The following DIAPH3 variants were observed in gnomAD, a reference collection of about 807,000 sequenced individuals.
DIAPH3 encodes the protein diaphanous related formin 3, also known as protein diaphanous homolog 3.
DIAPH3 carries 117 observed loss-of-function variants against 144.3 expected under a neutral mutation model. The ratio of observed to expected loss-of-function variants is 0.81; its 90% CI spans 0.70 to 0.95. DIAPH3 has a LOEUF of 0.95. DIAPH3 is among the 40% of genes least tolerant of loss of function. The probability of loss-of-function intolerance (pLI) is 0.00; values close to 1 mark genes in which losing one functional copy is unlikely to be tolerated. For missense variants in DIAPH3, 1,421 were observed against 1,412.7 expected (o/e 1.01, Z -0.09); for synonymous variants, 519 against 488.9 (o/e 1.06, Z -0.81).
At chr13:59,997,430 C>A (rs2052271779) in intron 9 of DIAPH3, among the ~76,000 whole-genome samples, 1 of 152,072 alleles carries the variant, frequency 6.6e-6, no homozygotes, top group Non-Finnish European at 1.5e-5. Context: ...ACCACATTTT[C>A]TTTATCCATT....
chr13:59,924,848 A>C lies in DIAPH3; in HGVS notation c.2097T>G (p.Ile699Met). ...QQKERREEED[I>M]EEKKSIKKKI... Reference sequence around the variant, plus strand: ...TTTTCTTAATCGATTTCTTCTCTTCAATATCTTCCTCTTCTCTTCTCTCTG... The same window carrying C: ...TTTTCTTAATCGATTTCTTCTCTTCCATATCTTCCTCTTCTCTTCTCTCTG... Residue 699 changes from isoleucine to methionine, a missense_variant, in exon 18 of 28, where the codon ATT (isoleucine) becomes ATG (methionine). Physicochemically the swap from Ile to Met is conservative, Grantham distance 10. Coordinates refer to ENST00000400324, the MANE Select transcript of DIAPH3 (RefSeq NM_001042517.2). The C allele has an allele frequency of 6.2e-7, 1 of 1,600,956 alleles. No individual in the cohort carries two copies. Among genetic ancestry groups the C allele is most frequent in the Non-Finnish European group, 8.5e-7 (1 of 1,170,980 alleles).
intron 4 of DIAPH3, among the ~76,000 whole-genome samples, chr13:60,082,786 AT>A (rs1426170138): frequency 2.0e-5 from 3 of 152,112 alleles, no homozygotes; most frequent in Non-Finnish European, 4.4e-5. Flanking sequence ...CATGGTGAGC[AT>A]TCAAATATAG....
intron 27 of DIAPH3, among the ~76,000 whole-genome samples, chr13:59,702,240 CCTAG>C (rs1348586477): frequency 6.6e-6 from 1 of 152,044 alleles, no homozygotes; most frequent in East Asian, 1.9e-4. Flanking sequence ...GAAGAAATGC[CCTAG>C]CTTTCTAACT....
chr13:59,974,299 TTGCTC>T, intron 15 of DIAPH3, 48 bp downstream of exon 15: 1 of 1,301,704 alleles, frequency 7.7e-7, no homozygotes. Flanking sequence ...AACATAACCT[TTGCTC>T]CCTCACTGTG....
intron 27 of DIAPH3, among the ~76,000 whole-genome samples, chr13:59,711,843 C>A (rs749922475): frequency 5.9e-5 from 9 of 152,068 alleles, no homozygotes; most frequent in Non-Finnish European, 1.2e-4. Flanking sequence ...AATTGTTGCA[C>A]GAATAAATAA....
intron 27 of DIAPH3, among the ~76,000 whole-genome samples, chr13:59,758,020 T>A (rs1295506975): frequency 6.6e-6 from 1 of 152,094 alleles, no homozygotes; most frequent in African/African-American, 2.4e-5. Flanking sequence ...AATAAGCCTA[T>A]GAAAAGGTAC....
rs772635777 is a variant in DIAPH3, at chr13:59,911,690, T to C, written c.2367+45A>G. On this transcript the variant is annotated intron_variant, in intron 20 of 27. Transcript: ENST00000400324. ...ATATAAAAACAGTTGACAGGTTCTC[T>C]TGTTTGGCACAGTATAAAAATCCTC... 85 of 1,406,246 alleles carry C rather than the reference T, an allele frequency of 6.0e-5. No individual in the cohort carries two copies. In the South Asian group the frequency reaches 9.7e-4, roughly 16 times the overall value. The allele number at this position is 1,406,246 out of a possible 1,614,324, so 87.1% of individuals were successfully genotyped here. A position where few individuals can be genotyped will look rare whatever the true frequency, so the allele number is the denominator to read the frequency against.
intron 5 of DIAPH3, among the ~76,000 whole-genome samples, chr13:60,022,451 G>A (rs2054093177): frequency 6.6e-6 from 1 of 152,272 alleles, no homozygotes; most frequent in Non-Finnish European, 1.5e-5. Flanking sequence ...GGGGCTGCAG[G>A]AAACTGAGGA....
chr13:60,044,741 G>A (rs2818950), intron 4 of DIAPH3, among the ~76,000 whole-genome samples: 84,418 of 151,978 alleles, frequency 0.56, 23,986 homozygotes, highest in Admixed American at 0.61. Context: ...TATATGATAT[G>A]GTTTGGCTGT....
chr13:59,757,630 G>A (rs2037356167), intron 27 of DIAPH3, among the ~76,000 whole-genome samples: 1 of 151,996 alleles, frequency 6.6e-6, no homozygotes, highest in Admixed American at 6.6e-5. Flanking sequence ...TCGATCTCCT[G>A]ACCTCGTGAT....
At chr13:60,149,558 C>T (rs1416265216) in intron 1 of DIAPH3, among the ~76,000 whole-genome samples, 1 of 151,906 alleles carries the variant, frequency 6.6e-6, no homozygotes, top group Non-Finnish European at 1.5e-5. Context: ...CAAGACAAGC[C>T]AGGGCAACAC....
intron 12 of DIAPH3, among the ~76,000 whole-genome samples, chr13:59,984,227 ACACT>A (rs2051227476): frequency 6.6e-6 from 1 of 151,682 alleles, no homozygotes; most frequent in African/African-American, 2.4e-5. Context: ...CCACTGTACC[ACACT>A]GAAATAGCTA....
chr13:59,871,716 G>A (rs1325090399), intron 21 of DIAPH3, among the ~76,000 whole-genome samples: 1 of 152,072 alleles, frequency 6.6e-6, no homozygotes, highest in African/African-American at 2.4e-5. Flanking sequence ...AGAATTTACT[G>A]GTGAAACCAT....
chr13:60,112,000 A>G lies in DIAPH3; in HGVS notation c.390+10T>C, dbSNP rs775035733. ...TCCTCAAACATTTCCTAAAGAATCA[A>G]AATTCTTACCATCATTTTTTCAAAA... On this transcript the variant is annotated intron_variant, in intron 3 of 27. Transcript: ENST00000400324. The G allele has an allele frequency of 1.2e-6, 2 of 1,613,640 alleles. No individual in the cohort carries two copies. The highest frequency in any genetic ancestry group is 1.7e-6 in the Non-Finnish European group (2 of 1,179,734).
At chr13:59,680,159 A>C (rs1309487342) in intron 27 of DIAPH3, among the ~76,000 whole-genome samples, 1 of 152,194 alleles carries the variant, frequency 6.6e-6, no homozygotes, top group East Asian at 1.9e-4. Flanking sequence ...AAACCCCAAA[A>C]TATTTAAGAA....
At chr13:59,675,194 T>A (rs2032577113) in intron 27 of DIAPH3, among the ~76,000 whole-genome samples, 1 of 151,918 alleles carries the variant, frequency 6.6e-6, no homozygotes, top group Non-Finnish European at 1.5e-5. Context: ...GCCTTCGGAG[T>A]AGCTAGGTCT....
chr13:59,801,006 A>T (rs2039874596), intron 25 of DIAPH3, among the ~76,000 whole-genome samples: 1 of 152,186 alleles, frequency 6.6e-6, no homozygotes, highest in Non-Finnish European at 1.5e-5. Context: ...ATCAAACCAT[A>T]AAATAAATAA....
Position 59,835,873 on chromosome 13 carries a change from G to T in DIAPH3, c.2863-2602C>A, listed in dbSNP as rs150343075. Among the ~76,000 whole-genome samples, 735 of 151,844 alleles carry T rather than the reference G, an allele frequency of 4.8e-3. 3 individuals carry two copies. Among genetic ancestry groups the T allele is most frequent in the South Asian group, 0.032 (152 of 4,824 alleles). Reference sequence around the variant, plus strand: ...TGTACATTATGCAGTGTAGAATATAGATATAAGTAAATCTTTCTCTCAATG... The same window carrying T: ...TGTACATTATGCAGTGTAGAATATATATATAAGTAAATCTTTCTCTCAATG... On this transcript the variant is annotated intron_variant, in intron 23 of 27. Coordinates refer to ENST00000400324, the MANE Select transcript of DIAPH3 (RefSeq NM_001042517.2).
chr13:59,905,307 C>A (rs934281622), intron 20 of DIAPH3, among the ~76,000 whole-genome samples: 2 of 130,240 alleles, frequency 1.5e-5, no homozygotes, highest in Admixed American at 1.8e-4. Context: ...CGCGCCACTG[C>A]ACTCCAGCCT....
Sources: allele counts gnomAD v4.1 joint callset (sites outside exome capture counted in the v4.1 genomes callset), GRCh38; gene constraint gnomAD v4.1.1; transcripts MANE v1.5; gene names NCBI Gene and HGNC (gene_info 2026-07-23, HGNC 2026-07-21).